Variants in CLNK observed in about 807,000 individuals in gnomAD.
The protein encoded by CLNK is cytokine-dependent hematopoietic cell linker.
In CLNK, 74 loss-of-function variants were observed where a neutral mutation model predicts 68.6. The ratio of observed to expected loss-of-function variants is 1.08; its 90% CI spans 0.89 to 1.31. CLNK has a LOEUF of 1.31. Ranked by LOEUF, CLNK falls within the 50% of genes most tolerant of loss-of-function variation. CLNK has a pLI of 0.00. For missense variants in CLNK, 553 were observed against 515.3 expected, an observed-to-expected ratio of 1.07 and a Z score of -0.71; for synonymous variants, 198 against 172.2, an observed-to-expected ratio of 1.15 and a Z score of -1.17.
intron 18 of CLNK, among the ~76,000 whole-genome samples, chr4:10,497,442 T>A (rs536307468): frequency 1.3e-4 from 20 of 152,284 alleles, no homozygotes; most frequent in African/African-American, 4.8e-4. Flanking sequence ...AGGAGAAAAT[T>A]CCAGATGAAC....
upstream of CLNK, among the ~76,000 whole-genome samples, chr4:10,686,089 A>G (rs61794278): frequency 0.04 from 6,060 of 152,260 alleles, 167 homozygotes; most frequent in Middle Eastern, 0.078. Flanking sequence ...AGGAGTCGGC[A>G]AGGTTGGATC....
At chr4:10,543,818 T>C (rs866588258) in intron 8 of CLNK, among the ~76,000 whole-genome samples, 1 of 152,368 alleles carries the variant, frequency 6.6e-6, no homozygotes, top group African/African-American at 2.4e-5. Flanking sequence ...CTTCTTTATA[T>C]GAATTCCAAA....
rs560404024 is a variant in CLNK at position 10,489,110 on chromosome 4, C to T, written c.*1357G>A. On this transcript the variant is annotated 3_prime_UTR_variant, in exon 19 of 19. Coordinates refer to ENST00000226951, the MANE Select transcript of CLNK (RefSeq NM_052964.4). ...GCTTTTCAACTTGATTGTAAAATGT[C>T]ACAGCGCAGAGAATGTACCTGGGAA... 2.0e-5 allele frequency: 3 copies of T among 151,986 alleles called. No individual in the cohort carries two copies. The South Asian group carries it at 6.2e-4, about 32-fold the overall frequency. 9.4% of individuals were successfully genotyped at this position (151,986 alleles called of 1,614,324 possible). A position where few individuals can be genotyped will look rare whatever the true frequency, so the allele number is the denominator to read the frequency against.
At chr4:10,722,848 G>A in the CLNK span, among the ~76,000 whole-genome samples, 7 of 152,146 alleles carry the variant, frequency 4.6e-5, no homozygotes, top group South Asian at 2.1e-4. Context: ...TCAGGAGTTC[G>A]AGACCAGCCT....
At chr4:10,606,991 C>T (rs1050084207) in intron 2 of CLNK, among the ~76,000 whole-genome samples, 1 of 152,188 alleles carries the variant, frequency 6.6e-6, no homozygotes, top group Admixed American at 6.5e-5. Flanking sequence ...AAATTAGATA[C>T]ACATATTGTG....
the CLNK span, among the ~76,000 whole-genome samples, chr4:10,729,466 A>G: frequency 6.6e-6 from 1 of 152,214 alleles, no homozygotes; most frequent in South Asian, 2.1e-4. Context: ...CCTCACTTGC[A>G]TGTTTACTGC....
At chr4:10,632,633 A>G (rs1438489861) in intron 2 of CLNK, among the ~76,000 whole-genome samples, 1 of 152,192 alleles carries the variant, frequency 6.6e-6, no homozygotes, top group Non-Finnish European at 1.5e-5. Flanking sequence ...CTCTTGCTAA[A>G]TGCCATTGGT....
intron 4 of CLNK, among the ~76,000 whole-genome samples, chr4:10,583,574 C>A (rs553805400): frequency 6.6e-6 from 1 of 152,170 alleles, no homozygotes; most frequent in African/African-American, 2.4e-5. Context: ...TGTGAGTCAC[C>A]GTGCCTGGTC....
At chr4:10,724,540 T>C in the CLNK span, among the ~76,000 whole-genome samples, 1 of 152,304 alleles carries the variant, frequency 6.6e-6, no homozygotes, top group South Asian at 2.1e-4. Flanking sequence ...AAGTTCTTTC[T>C]GTTTTGTCCA....
At chr4:10,561,678 A>T (rs1719892895) in intron 7 of CLNK, among the ~76,000 whole-genome samples, 1 of 152,136 alleles carries the variant, frequency 6.6e-6, no homozygotes, top group South Asian at 2.1e-4. Flanking sequence ...TGCTCTGGTG[A>T]TGAGTGCCCT....
chr4:10,702,592 A>G, the CLNK span, among the ~76,000 whole-genome samples: 1 of 152,202 alleles, frequency 6.6e-6, no homozygotes, highest in Non-Finnish European at 1.5e-5. Context: ...GAATAGTGAC[A>G]TGTATATTTG....
chr4:10,661,418 A>G (rs1261699578), intron 2 of CLNK, among the ~76,000 whole-genome samples: 1 of 152,240 alleles, frequency 6.6e-6, no homozygotes. Flanking sequence ...ATACACAAGC[A>G]TGATGTTCTT....
chr4:10,690,824 C>A, the CLNK span, among the ~76,000 whole-genome samples: 1 of 152,116 alleles, frequency 6.6e-6, no homozygotes, highest in African/African-American at 2.4e-5. Flanking sequence ...GCTTTGGCAC[C>A]ATAAGGGCTC....
chr4:10,522,257 CAAA>C (rs5856060), intron 14 of CLNK, among the ~76,000 whole-genome samples: 36,292 of 121,054 alleles, frequency 0.3, 5,661 homozygotes, highest in Non-Finnish European at 0.4. Context: ...GACTCTGTCT[CAAA>C]AAAAAAAAAA....
chr4:10,536,380 A>G (rs913810944), intron 11 of CLNK, among the ~76,000 whole-genome samples: 2 of 152,250 alleles, frequency 1.3e-5, no homozygotes, highest in African/African-American at 4.8e-5. Flanking sequence ...GGACTTGGGC[A>G]TCACTAATGA....
At chr4:10,712,754 G>T in the CLNK span, among the ~76,000 whole-genome samples, 1 of 152,160 alleles carries the variant, frequency 6.6e-6, no homozygotes, top group African/African-American at 2.4e-5. Context: ...ACCCCAAATT[G>T]CTTCTATAGA....
At chr4:10,491,059 C>A (rs952365422) in intron 18 of CLNK, among the ~76,000 whole-genome samples, 4 of 152,236 alleles carry the variant, frequency 2.6e-5, no homozygotes, top group African/African-American at 9.6e-5. Flanking sequence ...GCCACCACGC[C>A]TGACCGGAAG....
At chr4:10,637,617 C>T (rs546726935) in intron 2 of CLNK, among the ~76,000 whole-genome samples, 4 of 95,308 alleles carry the variant, frequency 4.2e-5, no homozygotes, top group Middle Eastern at 0.013. Context: ...TTTTTTGAGA[C>T]GGAGTCTCAC....
At chr4:10,642,715 T>G (rs574511316) in intron 2 of CLNK, among the ~76,000 whole-genome samples, 20 of 152,292 alleles carry the variant, frequency 1.3e-4, no homozygotes, top group African/African-American at 4.8e-4. Flanking sequence ...CCTAACTCAC[T>G]GGGTGCACTG....
Sources: gnomAD v4.1 joint callset for allele counts (sites outside exome capture counted in the v4.1 genomes callset) on GRCh38, gnomAD v4.1.1 for gene constraint, MANE v1.5 for transcripts, NCBI Gene and HGNC (gene_info 2026-07-23, HGNC 2026-07-21) for gene names.